PRL: variants seen among roughly 807,000 people sequenced by gnomAD.
PRL encodes the protein decidual prolactin.
In PRL, 24 loss-of-function variants were observed where a neutral mutation model predicts 21.3. The ratio of observed to expected loss-of-function variants is 1.13; its 90% CI spans 0.82 to 1.59. The LOEUF is 1.59. PRL is among the 40% of genes most tolerant of loss of function. The probability of loss-of-function intolerance (pLI) is 0.00; values close to 1 mark genes in which losing one functional copy is unlikely to be tolerated. For missense variants in PRL, 243 were observed against 286.9 expected, an observed-to-expected ratio of 0.85 and a Z score of 1.10; for synonymous variants, 118 against 115.7, an observed-to-expected ratio of 1.02 and a Z score of -0.13.
At chr6:22,296,306 G>A (rs1751885590) in intron 1 of PRL, among the ~76,000 whole-genome samples, 1 of 152,194 alleles carries the variant, frequency 6.6e-6, no homozygotes, top group African/African-American at 2.4e-5. Context: ...TGTCAACCAA[G>A]AAAGTAAAGG....
intron 4 of PRL, among the ~76,000 whole-genome samples, chr6:22,289,056 A>G (rs976878431): frequency 1.3e-5 from 2 of 152,204 alleles, no homozygotes; most frequent in Non-Finnish European, 2.9e-5. Flanking sequence ...GGATAATGAT[A>G]TGAACAAGAA....
chr6:22,293,672 AGGG>A (rs1761109568), intron 2 of PRL, among the ~76,000 whole-genome samples: 3 of 128,632 alleles, frequency 2.3e-5, no homozygotes, highest in East Asian at 2.6e-4. Flanking sequence ...GGAAGGAAGG[AGGG>A]AAGGAAGGAA....
upstream of PRL, among the ~76,000 whole-genome samples, chr6:22,300,124 A>G (rs1312904893): frequency 1.3e-5 from 2 of 152,184 alleles, no homozygotes; most frequent in African/African-American, 4.8e-5. Flanking sequence ...ATATTAGACA[A>G]TGTAAAGGGC....
intron 1 of PRL, among the ~76,000 whole-genome samples, chr6:22,295,772 T>C (rs1022638114): frequency 6.6e-6 from 1 of 152,220 alleles, no homozygotes; most frequent in Non-Finnish European, 1.5e-5. Flanking sequence ...TATAAAACTG[T>C]GTTTATCACA....
chr6:22,301,183 T>G (rs1317172230), upstream of PRL, among the ~76,000 whole-genome samples: 6 of 152,224 alleles, frequency 3.9e-5, no homozygotes, highest in Non-Finnish European at 8.8e-5. Context: ...GCATGCCTAC[T>G]TCTAGCTAGG....
intron 3 of PRL, among the ~76,000 whole-genome samples, chr6:22,292,107 T>C (rs1177924121): frequency 1.3e-5 from 2 of 152,142 alleles, no homozygotes; most frequent in Non-Finnish European, 2.9e-5. Flanking sequence ...CCAGAACAGA[T>C]GGCTCCAATA....
intron 4 of PRL, among the ~76,000 whole-genome samples, chr6:22,289,260 T>C (rs190300834): frequency 9.8e-5 from 15 of 152,286 alleles, no homozygotes; most frequent in Non-Finnish European, 1.0e-4. Context: ...ATAACCAAAA[T>C]GATACATGAT....
At chr6:22,298,427 G>A (rs1388794866), upstream of PRL, among the ~76,000 whole-genome samples, 1 of 152,198 alleles carries the variant, frequency 6.6e-6, no homozygotes, top group Non-Finnish European at 1.5e-5. Flanking sequence ...ACTGATGAAT[G>A]AGGTAATTTA....
At chr6:22,287,861 A>G (rs1481906835) in intron 4 of PRL, among the ~76,000 whole-genome samples, 1 of 152,230 alleles carries the variant, frequency 6.6e-6, no homozygotes, top group East Asian at 1.9e-4. Context: ...AGAACTGGAA[A>G]GGTACTATGT....
Position 22,287,346 on chromosome 6 carries a change from T to TGCAATGGAACGGATCATTAAG in PRL, c.*35_*55dup, listed in dbSNP as rs1247281965. ...AAAAGAGATACAACTAAAAGAAGCT[T>TGCAATGGAACGGATCATTAAG]GCAATGGAACGGATCATTAAGGACC... On this transcript the variant is annotated 3_prime_UTR_variant, in exon 5 of 5. Transcript: ENST00000306482. 1.0e-5 allele frequency: 15 copies of TGCAATGGAACGGATCATTAAG among 1,480,290 alleles called. No homozygotes were observed. The East Asian group carries it at 2.8e-4, about 28-fold the overall frequency. 91.7% of individuals were successfully genotyped at this position (1,480,290 alleles called of 1,614,324 possible). A position where few individuals can be genotyped will look rare whatever the true frequency, so the allele number is the denominator to read the frequency against.
At chr6:22,300,539 C>T (rs1015264539), upstream of PRL, among the ~76,000 whole-genome samples, 7 of 152,202 alleles carry the variant, frequency 4.6e-5, no homozygotes, top group African/African-American at 1.7e-4. Flanking sequence ...AACCATTACT[C>T]GTTTAGGGTG....
intron 3 of PRL, among the ~76,000 whole-genome samples, chr6:22,292,011 A>C (rs1439783758): frequency 6.6e-6 from 1 of 152,144 alleles, no homozygotes; most frequent in Non-Finnish European, 1.5e-5. Context: ...TTAACTAAGA[A>C]GTAAGAGAGG....
upstream of PRL, among the ~76,000 whole-genome samples, chr6:22,298,280 C>T (rs182661121): frequency 1.6e-3 from 238 of 152,288 alleles, no homozygotes; most frequent in Admixed American, 2.4e-3. Flanking sequence ...TTCCATTCAC[C>T]TTTTGGAAAT....
intron 1 of PRL, among the ~76,000 whole-genome samples, chr6:22,302,520 T>C (rs1189011676): frequency 6.6e-6 from 1 of 152,108 alleles, no homozygotes; most frequent in Admixed American, 6.5e-5. Flanking sequence ...TGCCCATAGA[T>C]AGGTTTATGC....
chr6:22,301,653 A>G (rs1761284000), upstream of PRL, among the ~76,000 whole-genome samples: 1 of 152,220 alleles, frequency 6.6e-6, no homozygotes, highest in Non-Finnish European at 1.5e-5. Context: ...CAGGCTCTTC[A>G]GAGAAAATGC....
rs73389166 is a variant in PRL, at chr6:22,291,190, C to G, written c.313-837G>C. 8.5e-3 allele frequency among the ~76,000 whole-genome samples: 1,292 copies of G among 152,216 alleles called. 24 individuals are homozygous for G. The highest frequency in any genetic ancestry group is 0.029 in the African/African-American group (1,214 of 41,526). ...GAAGAATAAAGAAGAAATAAATGGACATTGCAATGGAAACATGTAAGAGGA... is the reference window on the plus strand; with the variant it reads ...GAAGAATAAAGAAGAAATAAATGGAGATTGCAATGGAAACATGTAAGAGGA... On this transcript the variant is annotated intron_variant, in intron 3 of 4. Transcript: ENST00000306482.
At chr6:22,296,272 T>G (rs1761170815) in intron 1 of PRL, among the ~76,000 whole-genome samples, 1 of 152,264 alleles carries the variant, frequency 6.6e-6, no homozygotes, top group African/African-American at 2.4e-5. Context: ...TTTATGGTTG[T>G]TACTAATTTA....
In PRL at chr6:22,287,495, A is replaced by G; in HGVS notation, c.591T>C (p.Tyr197=). 1 of 1,614,210 alleles carries G rather than the reference A, an allele frequency of 6.2e-7. No homozygotes were observed. Among genetic ancestry groups the G allele is most frequent in the Non-Finnish European group, 8.5e-7 (1 of 1,180,018 alleles). ...ADEESRLSAY[Y]NLLHCLRRDS... is the part of the protein sequence containing the mutation. Reference sequence around the variant, plus strand: ...CCCTGCGTAGGCAGTGGAGCAGGTTATAATAAGCAGAAAGGCGAGACTCTT... The same window carrying G: ...CCCTGCGTAGGCAGTGGAGCAGGTTGTAATAAGCAGAAAGGCGAGACTCTT... Residue 197 remains tyrosine (Y), a synonymous_variant, in exon 5 of 5, where the codon TAT becomes TAC. Transcript: ENST00000306482.
intron 4 of PRL, among the ~76,000 whole-genome samples, chr6:22,289,232 T>C (rs9379382): frequency 0.39 from 59,261 of 152,060 alleles, 12,745 homozygotes; most frequent in East Asian, 0.64. Context: ...GTTTTGGACA[T>C]ATTTTTCTCG....
Sources: gnomAD v4.1 joint callset for allele counts (sites outside exome capture counted in the v4.1 genomes callset) on GRCh38, gnomAD v4.1.1 for gene constraint, MANE v1.5 for transcripts, NCBI Gene and HGNC (gene_info 2026-07-23, HGNC 2026-07-21) for gene names.